Variants in LIN28B observed in about 807,000 individuals in gnomAD.
LIN28B encodes protein lin-28 homolog B.
LIN28B carries 5 observed loss-of-function variants against 21.9 expected under a neutral mutation model. The observed-to-expected ratio is 0.23, with a 90% CI of 0.12 to 0.48. LIN28B has a LOEUF of 0.48. Ranked by LOEUF, LIN28B falls within the 20% of genes least tolerant of loss-of-function variation. The pLI is 0.98. For missense variants in LIN28B, 245 were observed against 310.5 expected (o/e 0.79, Z 1.58); for synonymous variants, 109 against 111.3 (o/e 0.98, Z 0.13).
intron 2 of LIN28B, among the ~76,000 whole-genome samples, chr6:104,969,613 ATACTTT>A (rs965248800): frequency 3.9e-5 from 6 of 152,184 alleles, no homozygotes; most frequent in Admixed American, 2.0e-4. Context: ...TTTGATGTAT[ATACTTT>A]AAATACATGT....
intron 2 of LIN28B, among the ~76,000 whole-genome samples, chr6:104,999,652 T>C (rs1770680762): frequency 6.6e-6 from 1 of 152,162 alleles, no homozygotes; most frequent in Non-Finnish European, 1.5e-5. Context: ...TATTTGTTTG[T>C]TTTACCCTGT....
intron 2 of LIN28B, among the ~76,000 whole-genome samples, chr6:105,018,310 C>T (rs1771069684): frequency 6.6e-6 from 1 of 151,970 alleles, no homozygotes; most frequent in East Asian, 1.9e-4. Context: ...AATAAAATTC[C>T]GTGATATGAC....
chr6:105,037,366 C>T (rs532204657), intron 3 of LIN28B, among the ~76,000 whole-genome samples: 5 of 152,230 alleles, frequency 3.3e-5, no homozygotes, highest in South Asian at 4.1e-4. Flanking sequence ...ATTTGAAGAG[C>T]TTATATAAAG....
chr6:105,045,189 AAATCCT>A (rs1349564434), intron 3 of LIN28B, among the ~76,000 whole-genome samples: 2 of 151,882 alleles, frequency 1.3e-5, no homozygotes, highest in African/African-American at 2.4e-5. Flanking sequence ...AAGCCTGTTT[AAATCCT>A]GAGTATTCCT....
intron 3 of LIN28B, among the ~76,000 whole-genome samples, chr6:105,061,048 A>G (rs1772113836): frequency 6.6e-6 from 1 of 152,218 alleles, no homozygotes; most frequent in Non-Finnish European, 1.5e-5. Flanking sequence ...AATATTCTGA[A>G]AACCAGATGA....
At chr6:104,938,622 T>C (rs1367608200) in intron 2 of LIN28B, among the ~76,000 whole-genome samples, 1 of 141,834 alleles carries the variant, frequency 7.1e-6, no homozygotes, top group Non-Finnish European at 1.5e-5. Context: ...CTGGGGGACA[T>C]AGTGAGACCC....
chr6:104,941,419 G>C (rs1778090241), intron 2 of LIN28B: 2 of 150,292 alleles, frequency 1.3e-5, no homozygotes, highest in African/African-American at 4.9e-5. Flanking sequence ...GGTTGCTGCC[G>C]GGCGGCCAAA....
chr6:105,078,224 A>G (rs1772473038), intron 3 of LIN28B, among the ~76,000 whole-genome samples, 190 bp from the exon 4 acceptor site: 2 of 152,116 alleles, frequency 1.3e-5, no homozygotes, highest in Non-Finnish European at 2.9e-5. Flanking sequence ...TTTTAACCTC[A>G]CCAGAACATT....
chr6:105,015,561 G>A (rs1023648776), intron 2 of LIN28B, among the ~76,000 whole-genome samples: 2 of 151,936 alleles, frequency 1.3e-5, no homozygotes, highest in Non-Finnish European at 2.9e-5. Flanking sequence ...TAGATCTATC[G>A]TTTTGATATT....
intron 2 of LIN28B, among the ~76,000 whole-genome samples, chr6:105,003,114 C>T (rs924303127): frequency 6.6e-5 from 10 of 152,214 alleles, no homozygotes; most frequent in Admixed American, 6.5e-4. Flanking sequence ...GCATTTTCTT[C>T]CCATAGGTAC....
chr6:105,046,237 A>G (rs1004827568), intron 3 of LIN28B, among the ~76,000 whole-genome samples: 10 of 151,998 alleles, frequency 6.6e-5, no homozygotes, highest in Admixed American at 2.0e-4. Context: ...TCATTGTTCA[A>G]TTCCCACCTA....
chr6:104,943,815 CAAG>C (rs1171401602), intron 2 of LIN28B, among the ~76,000 whole-genome samples: 1 of 151,926 alleles, frequency 6.6e-6, no homozygotes, highest in African/African-American at 2.4e-5. Context: ...TCTAGCTTGC[CAAG>C]AAGAACAATG....
At chr6:104,947,753 A>C (rs1165990743) in intron 2 of LIN28B, among the ~76,000 whole-genome samples, 1 of 150,842 alleles carries the variant, frequency 6.6e-6, no homozygotes, top group Non-Finnish European at 1.5e-5. Context: ...AGATGGTTTA[A>C]CAAAACATTT....
intron 2 of LIN28B, among the ~76,000 whole-genome samples, chr6:104,959,108 ACC>A (rs1220195528): frequency 1.3e-5 from 2 of 152,172 alleles, no homozygotes; most frequent in Non-Finnish European, 2.9e-5. Flanking sequence ...TCAAAATTTT[ACC>A]CAGGAAATAA....
intron 2 of LIN28B, among the ~76,000 whole-genome samples, chr6:104,995,845 A>G: frequency 6.6e-6 from 1 of 152,074 alleles, no homozygotes; most frequent in East Asian, 1.9e-4. Context: ...ACTAAAAAAA[A>G]TAGCTAAAGC....
intron 2 of LIN28B, among the ~76,000 whole-genome samples, chr6:104,963,397 AG>A (rs1307949774): frequency 6.6e-6 from 1 of 152,120 alleles, no homozygotes; most frequent in Non-Finnish European, 1.5e-5. Context: ...GTAGCCCTAA[AG>A]ATACTTTTGA....
At chr6:105,067,675 T>G (rs181154031) in intron 3 of LIN28B, among the ~76,000 whole-genome samples, 1 of 152,330 alleles carries the variant, frequency 6.6e-6, no homozygotes, top group Admixed American at 6.5e-5. Context: ...AAGTTTAAAC[T>G]TATGACCTAG....
At chr6:105,063,770 C>T (rs1047799575) in intron 3 of LIN28B, among the ~76,000 whole-genome samples, 3 of 151,614 alleles carry the variant, frequency 2.0e-5, no homozygotes, top group African/African-American at 7.3e-5. Flanking sequence ...TTTGAGGCTG[C>T]ACTGTGCTAC....
chr6:105,057,028 A>G (rs1222031794), intron 3 of LIN28B, among the ~76,000 whole-genome samples: 2 of 152,212 alleles, frequency 1.3e-5, no homozygotes, highest in African/African-American at 4.8e-5. Flanking sequence ...GAGTAAGTCT[A>G]ATAAGTCTAT....
Sources: gnomAD v4.1 joint callset for allele counts (sites outside exome capture counted in the v4.1 genomes callset) on GRCh38, gnomAD v4.1.1 for gene constraint, MANE v1.5 for transcripts, NCBI Gene and HGNC (gene_info 2026-07-23, HGNC 2026-07-21) for gene names.